The following CSMD1 variants were observed in gnomAD, a reference collection of about 807,000 sequenced individuals.
CSMD1 encodes the protein CUB and sushi domain-containing protein 1.
Under a neutral mutation model 417.5 loss-of-function variants are expected in CSMD1, and 213 were observed. The observed-to-expected ratio is 0.51, with a 90% confidence interval of 0.46 to 0.57. CSMD1 has a LOEUF of 0.57. Ranked by LOEUF, CSMD1 falls within the 20% of genes least tolerant of loss-of-function variation. The pLI is 0.00. For missense variants in CSMD1, 6,923 were observed against 4,529.7 expected (o/e 1.53, Z -15.17); for synonymous variants, 2,862 against 1,736.8 (o/e 1.65, Z -16.11).
At chr8:3,845,107 A>G (rs1238295593) in intron 5 of CSMD1, among the ~76,000 whole-genome samples, 1 of 152,236 alleles carries the variant, frequency 6.6e-6, no homozygotes, top group Non-Finnish European at 1.5e-5. Flanking sequence ...AGAAGCAAGA[A>G]GTATCAACTA....
chr8:4,186,390 C>T (rs186400693), intron 3 of CSMD1, among the ~76,000 whole-genome samples: 4 of 152,236 alleles, frequency 2.6e-5, no homozygotes, highest in African/African-American at 9.6e-5. Context: ...TCTCTGCTCA[C>T]CCCAAGACAG....
chr8:4,085,710 A>G (rs914345264), intron 3 of CSMD1, among the ~76,000 whole-genome samples: 5 of 152,200 alleles, frequency 3.3e-5, no homozygotes, highest in Admixed American at 2.0e-4. Context: ...AATTGTTAAT[A>G]AAACATTCTG....
chr8:4,050,324 C>G (rs149177948), intron 3 of CSMD1, among the ~76,000 whole-genome samples: 55 of 152,200 alleles, frequency 3.6e-4, no homozygotes, highest in African/African-American at 1.3e-3. Context: ...CGAAAGGAGG[C>G]TAGTTATACA....
intron 5 of CSMD1, among the ~76,000 whole-genome samples, chr8:3,755,612 T>G (rs1170941135): frequency 6.6e-6 from 1 of 152,110 alleles, no homozygotes; most frequent in African/African-American, 2.4e-5. Context: ...ATGGGTCACC[T>G]GTGTAGAGAG....
At chr8:3,843,052 A>C (rs985768504) in intron 5 of CSMD1, among the ~76,000 whole-genome samples, 1 of 152,172 alleles carries the variant, frequency 6.6e-6, no homozygotes, top group Non-Finnish European at 1.5e-5. Flanking sequence ...TGCACATGAT[A>C]AATGTTGTAA....
At chr8:4,755,270 T>G (rs957633272) in intron 1 of CSMD1, among the ~76,000 whole-genome samples, 2 of 152,254 alleles carry the variant, frequency 1.3e-5, no homozygotes, top group African/African-American at 4.8e-5. Context: ...ATTTATGACT[T>G]TGCCTTCAAC....
chr8:4,944,754 G>C (rs746964953), intron 1 of CSMD1, among the ~76,000 whole-genome samples: 2 of 152,054 alleles, frequency 1.3e-5, no homozygotes, highest in Non-Finnish European at 2.9e-5. Context: ...AATAGCAACT[G>C]TTGGCGAGGA....
chr8:3,475,996 CCCTTTGCACCTTGCTAAATGGTT>C (rs1485894487), intron 11 of CSMD1, among the ~76,000 whole-genome samples: 2 of 152,200 alleles, frequency 1.3e-5, no homozygotes, highest in Non-Finnish European at 2.9e-5. Flanking sequence ...ATCAAATCTT[CCCTTTGCACCTTGCTAAATGGTT>C]CAATAGTTCT....
At chr8:3,139,182 G>A (rs1585448776) in intron 41 of CSMD1, among the ~76,000 whole-genome samples, 1 of 152,302 alleles carries the variant, frequency 6.6e-6, no homozygotes, top group African/African-American at 2.4e-5. Flanking sequence ...CCTGGCGCTT[G>A]CAGAAGACTT....
intron 42 of CSMD1, among the ~76,000 whole-genome samples, chr8:3,112,115 C>G (rs7825875): frequency 0.78 from 118,813 of 151,482 alleles, 47,366 homozygotes; most frequent in East Asian, 0.95. Flanking sequence ...CAGACAGGGT[C>G]TGCATCTCCT....
chr8:4,735,009 G>A (rs184832267), intron 1 of CSMD1, among the ~76,000 whole-genome samples: 1 of 152,188 alleles, frequency 6.6e-6, no homozygotes, highest in Non-Finnish European at 1.5e-5. Context: ...GAAGTGCTCG[G>A]GTTGTTTGAA....
intron 3 of CSMD1, among the ~76,000 whole-genome samples, chr8:4,147,915 T>A (rs1796348328): frequency 6.6e-6 from 1 of 152,036 alleles, no homozygotes; most frequent in Admixed American, 6.5e-5. Flanking sequence ...CCTCGGAGGC[T>A]CCTGCAGCAC....
At chr8:4,776,148 A>C (rs1302841362) in intron 1 of CSMD1, among the ~76,000 whole-genome samples, 3 of 152,140 alleles carry the variant, frequency 2.0e-5, no homozygotes, top group Admixed American at 2.0e-4. Context: ...CACCAAGGTG[A>C]AGAAGAGATG....
At chr8:4,745,633 G>A (rs921977838) in intron 1 of CSMD1, among the ~76,000 whole-genome samples, 2 of 152,138 alleles carry the variant, frequency 1.3e-5, no homozygotes. Flanking sequence ...TAGAGAGAGA[G>A]TAGAGAGAAG....
At position 3,173,904 on chromosome 8, in the gene CSMD1, A is replaced by C. The variant is rs185369154; in HGVS notation, c.5725+7206T>G. Among the ~76,000 whole-genome samples, 3 of 152,324 alleles carry C rather than the reference A, an allele frequency of 2.0e-5. 1 individual carries two copies. In the East Asian group the frequency reaches 5.8e-4, roughly 29 times the overall value. On this transcript the variant is annotated intron_variant, in intron 37 of 69. Transcript: ENST00000635120. The stretch of plus-strand genomic sequence containing the variant: ...GGGCTAATCCAAGTTATCTGTATTC[A>C]ATTATGGCAACGTCCTGCCAAAAAT...
chr8:3,129,003 T>G (rs1404914668), intron 41 of CSMD1: 1 of 358,536 alleles, frequency 2.8e-6, no homozygotes, highest in Non-Finnish European at 5.5e-6. Context: ...GTGAAGCAAA[T>G]AAAACACTTG....
chr8:3,174,374 A>C (rs1324108144), intron 37 of CSMD1, among the ~76,000 whole-genome samples: 1 of 152,190 alleles, frequency 6.6e-6, no homozygotes. Context: ...ATTTGCCTTC[A>C]GTCCCAGCTA....
At chr8:3,711,854 G>C (rs986632679) in intron 6 of CSMD1, among the ~76,000 whole-genome samples, 12 of 152,120 alleles carry the variant, frequency 7.9e-5, no homozygotes, top group African/African-American at 2.4e-4. Context: ...AAATAATAAA[G>C]AGCATAGAAC....
intron 3 of CSMD1, among the ~76,000 whole-genome samples, chr8:4,234,638 G>C (rs953122417): frequency 6.6e-6 from 1 of 152,174 alleles, no homozygotes. Context: ...GGACATGGAA[G>C]ATTGCACCTG....
Sources: allele counts gnomAD v4.1 joint callset (sites outside exome capture counted in the v4.1 genomes callset), GRCh38; gene constraint gnomAD v4.1.1; transcripts MANE v1.5; gene names NCBI Gene and HGNC (gene_info 2026-07-23, HGNC 2026-07-21).